The following CLRN1 variants were observed in gnomAD, a reference collection of about 807,000 sequenced individuals.
The protein encoded by CLRN1 is clarin-1.
In CLRN1, 15 loss-of-function variants were observed where a neutral mutation model predicts 18.7. The ratio of observed to expected loss-of-function variants is 0.80; its 90% CI spans 0.54 to 1.23. The LOEUF (loss-of-function observed/expected upper bound fraction) is 1.23, where lower values mean the gene tolerates loss of function less well. Ranked by LOEUF, CLRN1 falls within the 50% of genes most tolerant of loss-of-function variation. CLRN1 has a pLI of 0.00. For missense variants in CLRN1, 311 were observed against 277.5 expected (o/e 1.12, Z -0.86); for synonymous variants, 104 against 102.9 (o/e 1.01, Z -0.07).
chr3:150,954,242 C>T (rs1428859200), intron 1 of CLRN1, among the ~76,000 whole-genome samples: 1 of 152,218 alleles, frequency 6.6e-6, no homozygotes, highest in African/African-American at 2.4e-5. Flanking sequence ...TACCATTCAC[C>T]TTCCCACTAG....
intron 2 of CLRN1, 124 bp downstream of exon 2, chr3:150,941,458 A>G: frequency 1.0e-6 from 1 of 978,850 alleles, no homozygotes; most frequent in Non-Finnish European, 1.6e-6. Context: ...TTTTGTTATT[A>G]TGTATAATAC....
intron 1 of CLRN1, among the ~76,000 whole-genome samples, chr3:150,953,321 G>A (rs559083334): frequency 1.4e-4 from 22 of 152,124 alleles, no homozygotes; most frequent in East Asian, 9.7e-4. Context: ...TTGTCTGTGC[G>A]TTCAGAATTA....
chr3:150,959,980 T>C (rs1456143), intron 1 of CLRN1, among the ~76,000 whole-genome samples: 101,640 of 152,034 alleles, frequency 0.67, 34,038 homozygotes, highest in East Asian at 0.7. Flanking sequence ...CAGTGTGCCA[T>C]CAAAGCACAA....
chr3:150,972,564 C>T lies in CLRN1; in HGVS notation c.145G>A (p.Ala49Thr). The T allele has an allele frequency of 6.2e-7, 1 of 1,614,218 alleles. No homozygotes were observed. The highest frequency in any genetic ancestry group is 8.5e-7 in the Non-Finnish European group (1 of 1,180,016). ...AACTTGTCCAGCTCCTGCCCTGAGG[C>T]ATTGACGAGCAGAGCTCCCGTTTTG... ...LCKTGALLVN[A>T]SGQELDKFMG... The change falls in exon 1 of 3, where the codon GCC becomes ACC. Residue 49 changes from alanine (A) to threonine (T), a missense_variant. Coordinates refer to ENST00000327047, the MANE Select transcript of CLRN1 (RefSeq NM_174878.3).
chr3:150,943,855 C>G, intron 1 of CLRN1: 1 of 1,614,182 alleles, frequency 6.2e-7, no homozygotes, highest in Non-Finnish European at 8.5e-7. Context: ...GGAGTTTACT[C>G]CTCACAGCAC....
chr3:150,935,413 C>A (rs573972216), intron 2 of CLRN1, among the ~76,000 whole-genome samples: 1 of 151,106 alleles, frequency 6.6e-6, no homozygotes, highest in Non-Finnish European at 1.5e-5. Context: ...TTTGTCCTTG[C>A]GATAGTTTGC....
At chr3:150,972,738 T>C, upstream of CLRN1, 1 of 1,614,044 alleles carries the variant, frequency 6.2e-7, no homozygotes. Flanking sequence ...GAGGGCGAGG[T>C]TCAAAAACAA....
chr3:150,926,538 G>A (rs1311590955), downstream of CLRN1: 6 of 522,052 alleles, frequency 1.1e-5, no homozygotes, highest in Non-Finnish European at 1.7e-5. Flanking sequence ...AATTGTCCAG[G>A]TGTATTTCCT....
chr3:150,948,483 CAAAAAAAAAAAA>C (rs55846714), intron 1 of CLRN1, among the ~76,000 whole-genome samples: 1 of 54,390 alleles, frequency 1.8e-5, no homozygotes, highest in South Asian at 9.3e-4. Context: ...GACTCCGTCT[CAAAAAAAAAAAA>C]AAAAAAAAAA....
chr3:150,964,438 C>G (rs1028324392), intron 1 of CLRN1, among the ~76,000 whole-genome samples: 2 of 152,154 alleles, frequency 1.3e-5, no homozygotes, highest in African/African-American at 4.8e-5. Context: ...GAAATAGGAA[C>G]GCTTTTACAC....
chr3:150,968,610 A>G (rs978355823), intron 1 of CLRN1, among the ~76,000 whole-genome samples: 1 of 152,218 alleles, frequency 6.6e-6, no homozygotes, highest in Non-Finnish European at 1.5e-5. Context: ...ACATTGCCAA[A>G]CTATTTTTCT....
At position 150,926,929 on chromosome 3, in the gene CLRN1, C is replaced by T; in HGVS notation, c.*1007G>A. 1 of 1,613,518 alleles carries T rather than the reference C, an allele frequency of 6.2e-7. No homozygotes were observed. Among genetic ancestry groups the T allele is most frequent in the South Asian group, 1.1e-5 (1 of 90,980 alleles). ...AAAAAAAAAGTTGACCTGGGTCATG[C>T]TTGGTGACAGCCAGAACAAGACCAA... is the stretch of plus-strand genomic sequence containing the variant. On this transcript the variant is annotated 3_prime_UTR_variant, in exon 3 of 3. Coordinates refer to ENST00000327047, the MANE Select transcript of CLRN1 (RefSeq NM_174878.3).
intron 2 of CLRN1, among the ~76,000 whole-genome samples, chr3:150,937,310 A>C (rs1257529705): frequency 6.6e-6 from 1 of 152,214 alleles, no homozygotes; most frequent in African/African-American, 2.4e-5. Context: ...TGGGATCACC[A>C]GTGCCTATTA....
intron 1 of CLRN1, among the ~76,000 whole-genome samples, chr3:150,963,542 T>C (rs1019063822): frequency 2.6e-5 from 4 of 152,214 alleles, no homozygotes; most frequent in African/African-American, 7.2e-5. Context: ...ATTGACTTTC[T>C]TCACAGAATT....
At chr3:150,928,321 CA>C in intron 2 of CLRN1, 120 bp from the exon 3 acceptor site, 2 of 1,258,138 alleles carry the variant, frequency 1.6e-6, no homozygotes, top group Non-Finnish European at 1.1e-6. Context: ...ATTATCCACA[CA>C]AAAAATTATT....
At position 150,965,903 on chromosome 3, in the gene CLRN1, A is replaced by G. The variant is rs1158905537; in HGVS notation, c.253+6553T>C. Among the ~76,000 whole-genome samples, 3 of 152,230 alleles carry G rather than the reference A, an allele frequency of 2.0e-5. No homozygotes were observed. The East Asian group carries it at 5.8e-4, about 29-fold the overall frequency. On this transcript the variant is annotated intron_variant, in intron 1 of 2. Transcript: ENST00000327047. ...AGATAGTTACTAGGGGAAGGGAGAA[A>G]TAAAACTTCTTTTTCTGGATTAGGT...
chr3:150,962,741 A>C (rs755467183), intron 1 of CLRN1, among the ~76,000 whole-genome samples: 2 of 152,232 alleles, frequency 1.3e-5, no homozygotes, highest in Non-Finnish European at 2.9e-5. Context: ...ATGTGATCAG[A>C]TATCTCTGCC....
intron 1 of CLRN1, among the ~76,000 whole-genome samples, chr3:150,971,183 T>C (rs938748181): frequency 6.6e-6 from 1 of 152,212 alleles, no homozygotes; most frequent in African/African-American, 2.4e-5. Context: ...TCACATGACA[T>C]TCTGCTTTGT....
chr3:150,952,588 C>CAGA (rs1714548788), intron 1 of CLRN1, among the ~76,000 whole-genome samples: 1 of 152,160 alleles, frequency 6.6e-6, no homozygotes, highest in African/African-American at 2.4e-5. Flanking sequence ...CTGGAGCCTC[C>CAGA]CTTACACTCA....
Sources: allele counts gnomAD v4.1 joint callset (sites outside exome capture counted in the v4.1 genomes callset), GRCh38; gene constraint gnomAD v4.1.1; transcripts MANE v1.5; gene names NCBI Gene and HGNC (gene_info 2026-07-23, HGNC 2026-07-21).